The following MGAT4C variants were observed in gnomAD, a reference collection of about 807,000 sequenced individuals.
The protein encoded by MGAT4C is alpha-1,3-mannosyl-glycoprotein 4-beta-N-acetylglucosaminyltransferase C.
MGAT4C carries 19 observed loss-of-function variants against 40.1 expected under a neutral mutation model. The ratio of observed to expected loss-of-function variants is 0.47; its 90% CI spans 0.33 to 0.70. The LOEUF (loss-of-function observed/expected upper bound fraction) is 0.70. MGAT4C is among the 30% of genes least tolerant of loss of function. The pLI, the probability that MGAT4C is intolerant of heterozygous loss-of-function variation, is 0.02. For synonymous variants in MGAT4C, 181 were observed against 187.1 expected (o/e 0.97, Z 0.27); for missense variants, 491 against 563.2 (o/e 0.87, Z 1.30).
chr12:86,132,595 T>A (rs933604117), intron 1 of MGAT4C, among the ~76,000 whole-genome samples: 1 of 151,908 alleles, frequency 6.6e-6, no homozygotes, highest in Non-Finnish European at 1.5e-5. Flanking sequence ...AGATCGAGAC[T>A]ATCCTGGCTA....
At chr12:86,258,409 T>C (rs1035377944), upstream of MGAT4C, among the ~76,000 whole-genome samples, 1 of 152,054 alleles carries the variant, frequency 6.6e-6, no homozygotes, top group Non-Finnish European at 1.5e-5. Flanking sequence ...ACCTCTCTTA[T>C]TTGTTTTGCA....
intron 1 of MGAT4C, among the ~76,000 whole-genome samples, chr12:86,131,132 C>T (rs188480693): frequency 3.3e-5 from 5 of 152,152 alleles, no homozygotes; most frequent in South Asian, 4.1e-4. Context: ...ACTAGCCATA[C>T]GGCTTTGGAC....
rs181251496 is a variant in MGAT4C, at chr12:86,252,416, T to A, written c.-57+3823A>T. Among the ~76,000 whole-genome samples the A allele has an allele frequency of 2.1e-3, 313 of 152,144 alleles. 2 individuals are homozygous for A. The highest frequency in any genetic ancestry group is 7.2e-3 in the African/African-American group (301 of 41,552). ...CTAGACAGATTCTTCAGTGGCTAATTAAATGATACTATCTAAAAACAATTT... is the reference window on the plus strand; with the variant it reads ...CTAGACAGATTCTTCAGTGGCTAATAAAATGATACTATCTAAAAACAATTT... On this transcript the variant is annotated intron_variant, in intron 1 of 4. Coordinates refer to ENST00000611864, the MANE Select transcript of MGAT4C (RefSeq NM_001351288.2).
intron 1 of MGAT4C, among the ~76,000 whole-genome samples, chr12:86,163,864 T>A (rs1004691478): frequency 1.3e-5 from 2 of 152,188 alleles, no homozygotes; most frequent in African/African-American, 4.8e-5. Flanking sequence ...GGAAACTTAA[T>A]TCATCATAAC....
chr12:86,074,677 G>A (rs1869322036), intron 1 of MGAT4C, among the ~76,000 whole-genome samples: 1 of 152,094 alleles, frequency 6.6e-6, no homozygotes, highest in African/African-American at 2.4e-5. Flanking sequence ...AAGAAAAAGA[G>A]GTTTAATGCA....
chr12:86,627,852 A>G (rs1036627032), intron 2 of MGAT4C, among the ~76,000 whole-genome samples: 1 of 151,148 alleles, frequency 6.6e-6, no homozygotes, highest in South Asian at 2.1e-4. Context: ...AAAGGATTGC[A>G]GCTCCTTGCC....
intron 2 of MGAT4C, among the ~76,000 whole-genome samples, chr12:86,540,557 G>T (rs1377376790): frequency 1.3e-5 from 2 of 152,104 alleles, no homozygotes; most frequent in African/African-American, 4.8e-5. Context: ...CCAATATAGT[G>T]AAACCCTGTC....
At chr12:86,805,836 C>A (rs555734934) in intron 1 of MGAT4C, among the ~76,000 whole-genome samples, 71 of 152,160 alleles carry the variant, frequency 4.7e-4, no homozygotes, top group African/African-American at 1.6e-3. Context: ...TACCTTCCCA[C>A]CAGCAGTGTA....
At chr12:86,688,157 CTTTTTTTTTTT>C (rs55637680) in intron 2 of MGAT4C, among the ~76,000 whole-genome samples, 2 of 65,190 alleles carry the variant, frequency 3.1e-5, no homozygotes, top group Admixed American at 2.4e-4. Context: ...GCAACCCCTG[CTTTTTTTTTTT>C]TTTTTTTTTT....
At chr12:86,447,208 C>T (rs555563096) in intron 2 of MGAT4C, among the ~76,000 whole-genome samples, 1 of 152,274 alleles carries the variant, frequency 6.6e-6, no homozygotes, top group African/African-American at 2.4e-5. Flanking sequence ...TCACCGCAAC[C>T]TTTGCCTCCC....
chr12:86,303,278 G>A (rs1343327054), intron 4 of MGAT4C, among the ~76,000 whole-genome samples: 1 of 150,340 alleles, frequency 6.7e-6, no homozygotes, highest in Non-Finnish European at 1.5e-5. Flanking sequence ...CCTTTCTCCA[G>A]AGCTCTGAAA....
chr12:86,288,725 G>A (rs946554039), intron 4 of MGAT4C, among the ~76,000 whole-genome samples: 1 of 152,008 alleles, frequency 6.6e-6, no homozygotes, highest in African/African-American at 2.4e-5. Context: ...TTTGGAAAGT[G>A]TCTGTTCATG....
intron 1 of MGAT4C, among the ~76,000 whole-genome samples, chr12:86,179,430 G>A (rs772934544): frequency 2.0e-5 from 3 of 152,212 alleles, no homozygotes; most frequent in Non-Finnish European, 4.4e-5. Flanking sequence ...AGCAACTTTG[G>A]AACTGGGTAA....
chr12:86,142,951 G>C (rs1013180497), intron 1 of MGAT4C, among the ~76,000 whole-genome samples: 1 of 152,100 alleles, frequency 6.6e-6, no homozygotes, highest in African/African-American at 2.4e-5. Context: ...CCCCTTATAA[G>C]AAGAGGCTCC....
intron 2 of MGAT4C, among the ~76,000 whole-genome samples, chr12:86,637,444 T>C (rs1187327464): frequency 2.0e-5 from 3 of 151,970 alleles, no homozygotes; most frequent in Non-Finnish European, 4.4e-5. Flanking sequence ...ATTATTTTAA[T>C]GTTTGAGTTT....
chr12:86,295,590 G>A (rs529458737), intron 4 of MGAT4C, among the ~76,000 whole-genome samples: 1 of 152,170 alleles, frequency 6.6e-6, no homozygotes, highest in Non-Finnish European at 1.5e-5. Flanking sequence ...GACCCCAGCA[G>A]GTTGCCAATG....
chr12:86,505,363 A>G (rs902703558), intron 2 of MGAT4C, among the ~76,000 whole-genome samples: 1 of 152,218 alleles, frequency 6.6e-6, no homozygotes, highest in Non-Finnish European at 1.5e-5. Context: ...GCACATGATC[A>G]AGAAAATTCC....
At chr12:86,020,330 G>C (rs1889565496) in intron 2 of MGAT4C, among the ~76,000 whole-genome samples, 1 of 152,012 alleles carries the variant, frequency 6.6e-6, no homozygotes, top group Non-Finnish European at 1.5e-5. Context: ...CTATGGGTTT[G>C]TCATAGATAG....
rs143351260 is a variant in MGAT4C, at chr12:86,654,812, G to A, written c.-229+72397C>T. On this transcript the variant is annotated intron_variant, in intron 2 of 7. Coordinates refer to the MGAT4C transcript ENST00000548651. ...AAAGAAACTGCATCATATTGCTGTTGTGTATTGCGGTGAAGATAGGAAAAT... is the reference window on the plus strand; with the variant it reads ...AAAGAAACTGCATCATATTGCTGTTATGTATTGCGGTGAAGATAGGAAAAT... Among the ~76,000 whole-genome samples, 459 of 150,712 alleles carry A rather than the reference G, an allele frequency of 3.0e-3. 2 individuals carry two copies. The highest frequency in any genetic ancestry group is 0.011 in the African/African-American group (439 of 41,078).
Sources: allele counts gnomAD v4.1 joint callset (sites outside exome capture counted in the v4.1 genomes callset), GRCh38; gene constraint gnomAD v4.1.1; transcripts MANE v1.5; gene names NCBI Gene and HGNC (gene_info 2026-07-23, HGNC 2026-07-21).